METTL16: variants seen among roughly 807,000 people sequenced by gnomAD.
METTL16 encodes the protein RNA N(6)-adenosine-methyltransferase METTL16.
Under a neutral mutation model 57.9 loss-of-function variants are expected in METTL16, and 19 were observed. The observed-to-expected ratio is 0.33, with a 90% CI of 0.23 to 0.48. The LOEUF (loss-of-function observed/expected upper bound fraction) is 0.48, where lower values mean the gene tolerates loss of function less well. METTL16 is among the 20% of genes least tolerant of loss of function. METTL16 has a pLI of 0.99. For synonymous variants in METTL16, 246 were observed against 255.6 expected (o/e 0.96, Z 0.36); for missense variants, 434 against 691.5 (o/e 0.63, Z 4.18).
At chr17:2,488,868 C>T (rs978247968) in intron 2 of METTL16, among the ~76,000 whole-genome samples, 14 of 152,154 alleles carry the variant, frequency 9.2e-5, no homozygotes, top group African/African-American at 2.2e-4. Flanking sequence ...TTATTATTCG[C>T]GTACTGTACT....
chr17:2,509,033 C>G (rs1228017316), intron 1 of METTL16, among the ~76,000 whole-genome samples: 1 of 152,168 alleles, frequency 6.6e-6, no homozygotes, highest in East Asian at 1.9e-4. Flanking sequence ...ATCATTTACT[C>G]AGGCAGCCTT....
chr17:2,467,789 G>A lies in METTL16; in HGVS notation c.557C>T (p.Pro186Leu). 1 of 1,614,022 alleles carries A rather than the reference G, an allele frequency of 6.2e-7. No homozygotes were observed. The highest frequency in any genetic ancestry group is 1.1e-5 in the South Asian group (1 of 91,080). Residue 186 changes from proline to leucine, a missense_variant, in exon 5 of 10, where the codon CCC becomes CTC. Transcript: ENST00000263092. ...IIYDFCMCNP[P>L]FFANQLEAKG... ...GGCTTCCAATTGATTGGCAAAAAAG[G>A]GAGGGTTGCACATGCAAAAGTCATA...
chr17:2,440,970 CAAAAAAAAAAAAAA>C (rs760521188), intron 7 of METTL16, among the ~76,000 whole-genome samples: 5 of 34,042 alleles, frequency 1.5e-4, no homozygotes, highest in African/African-American at 3.3e-4. Context: ...GACTTGATCT[CAAAAAAAAAAAAAA>C]AAAAAAAAAA....
chr17:2,508,075 G>T (rs548629060), intron 1 of METTL16, among the ~76,000 whole-genome samples: 1 of 150,606 alleles, frequency 6.6e-6, no homozygotes, highest in Non-Finnish European at 1.5e-5. Context: ...CTATTGTCCT[G>T]TGACCCTGCC....
chr17:2,505,416 T>C (rs2067524296), intron 1 of METTL16, among the ~76,000 whole-genome samples: 1 of 131,554 alleles, frequency 7.6e-6, no homozygotes, highest in African/African-American at 3.4e-5. Context: ...TTTTTTTTTT[T>C]TTTTTTTTTT....
intron 6 of METTL16, among the ~76,000 whole-genome samples, chr17:2,449,125 G>A (rs1176152769): frequency 6.6e-6 from 1 of 151,872 alleles, no homozygotes; most frequent in East Asian, 1.9e-4. Flanking sequence ...TGCCATTTAC[G>A]GTAGCATGAA....
rs575663062 is a variant in METTL16 at position 2,435,235 on chromosome 17, T to C, written c.888+2874A>G. On this transcript the variant is annotated intron_variant, in intron 8 of 9. Coordinates refer to ENST00000263092, the MANE Select transcript of METTL16 (RefSeq NM_024086.4). Reference sequence around the variant, plus strand: ...TTCAGCACCAACAGAAACGAGTCAGTAGGCCTGAGATAAGTGAAAACAGAA... The same window carrying C: ...TTCAGCACCAACAGAAACGAGTCAGCAGGCCTGAGATAAGTGAAAACAGAA... Among the ~76,000 whole-genome samples the C allele has an allele frequency of 1.1e-3, 165 of 152,270 alleles. 1 individual carries two copies. Among genetic ancestry groups the C allele is most frequent in the African/African-American group, 3.8e-3 (159 of 41,562 alleles).
chr17:2,463,611 A>ATG (rs1567894727), intron 6 of METTL16, among the ~76,000 whole-genome samples: 5 of 151,694 alleles, frequency 3.3e-5, no homozygotes, highest in Non-Finnish European at 5.9e-5. Flanking sequence ...ACAGGCACCC[A>ATG]CCACCACACC....
intron 6 of METTL16, among the ~76,000 whole-genome samples, chr17:2,463,361 A>T (rs1312361500): frequency 6.6e-6 from 1 of 152,244 alleles, no homozygotes; most frequent in East Asian, 1.9e-4. Flanking sequence ...TGTAATATAC[A>T]TGATTACAGT....
At chr17:2,499,187 G>C (rs1431188977) in intron 2 of METTL16, among the ~76,000 whole-genome samples, 7 of 151,598 alleles carry the variant, frequency 4.6e-5, no homozygotes, top group Non-Finnish European at 7.3e-5. Context: ...AAACTAGCGT[G>C]TGACTGTGGC....
chr17:2,484,504 T>C (rs894190979), intron 2 of METTL16, among the ~76,000 whole-genome samples: 6 of 152,130 alleles, frequency 3.9e-5, no homozygotes, highest in African/African-American at 1.2e-4. Context: ...TGTTCTTTTT[T>C]TTTTTTTGAG....
intron 6 of METTL16, among the ~76,000 whole-genome samples, chr17:2,452,063 G>T (rs989578419): frequency 6.6e-6 from 1 of 151,278 alleles, no homozygotes; most frequent in Non-Finnish European, 1.5e-5. Context: ...CTTGAGCCTG[G>T]GAGGTCAGGG....
chr17:2,444,991 G>A (rs192455517), intron 6 of METTL16, among the ~76,000 whole-genome samples: 12 of 152,102 alleles, frequency 7.9e-5, no homozygotes, highest in Non-Finnish European at 7.4e-5. Context: ...GCTGGAATTA[G>A]AGGTGCATGC....
At chr17:2,485,918 A>T (rs923820753) in intron 2 of METTL16, among the ~76,000 whole-genome samples, 1 of 152,218 alleles carries the variant, frequency 6.6e-6, no homozygotes, top group African/African-American at 2.4e-5. Flanking sequence ...GGAAGGTCAG[A>T]GGAGGCTTCC....
At chr17:2,477,246 C>T (rs1204130858) in intron 3 of METTL16, among the ~76,000 whole-genome samples, 1 of 152,116 alleles carries the variant, frequency 6.6e-6, no homozygotes, top group Admixed American at 6.5e-5. Context: ...TCATTTTGTA[C>T]TTCCCTTAAC....
intron 6 of METTL16, among the ~76,000 whole-genome samples, chr17:2,452,361 T>C (rs1222806777): frequency 1.3e-5 from 2 of 152,150 alleles, no homozygotes; most frequent in Non-Finnish European, 2.9e-5. Context: ...GCAACAGTTG[T>C]ATTTGTTATG....
At chr17:2,451,058 GA>G (rs2067065436) in intron 6 of METTL16, among the ~76,000 whole-genome samples, 1 of 152,062 alleles carries the variant, frequency 6.6e-6, no homozygotes, top group African/African-American at 2.4e-5. Flanking sequence ...TAACATAAAT[GA>G]AAAATCTAAT....
intron 1 of METTL16, among the ~76,000 whole-genome samples, chr17:2,502,741 G>C (rs1348627899): frequency 1.3e-5 from 2 of 151,536 alleles, no homozygotes; most frequent in Admixed American, 6.6e-5. Flanking sequence ...AATAGTTACA[G>C]CCAACATGTC....
At chr17:2,471,108 G>C (rs1285241825) in intron 4 of METTL16, among the ~76,000 whole-genome samples, 1 of 152,182 alleles carries the variant, frequency 6.6e-6, no homozygotes. Flanking sequence ...TCTAGACAAA[G>C]ACCTTATATC....
Sources: gnomAD v4.1 joint callset for allele counts (sites outside exome capture counted in the v4.1 genomes callset) on GRCh38, gnomAD v4.1.1 for gene constraint, MANE v1.5 for transcripts, NCBI Gene and HGNC (gene_info 2026-07-23, HGNC 2026-07-21) for gene names.